PRKG1: variants seen among roughly 807,000 people sequenced by gnomAD.
The protein encoded by PRKG1 is cGMP-dependent protein kinase 1.
A neutral mutation model predicts 88.1 loss-of-function variants in PRKG1; 35 were observed. That is an observed-to-expected ratio of 0.40 (90% confidence interval 0.30 to 0.53). The LOEUF is 0.53. Ranked by LOEUF, PRKG1 falls within the 20% of genes least tolerant of loss-of-function variation. The pLI, the probability that PRKG1 is intolerant of heterozygous loss-of-function variation, is 0.59. For missense variants in PRKG1, 540 were observed against 839.8 expected (o/e 0.64, Z 4.41); for synonymous variants, 303 against 292.5 (o/e 1.04, Z -0.37).
At chr10:51,466,064 A>G (rs1443033978) in intron 2 of PRKG1, among the ~76,000 whole-genome samples, 1 of 152,150 alleles carries the variant, frequency 6.6e-6, no homozygotes, top group Non-Finnish European at 1.5e-5. Flanking sequence ...AACCAGAACT[A>G]AACTTTTGGT....
intron 4 of PRKG1, among the ~76,000 whole-genome samples, chr10:51,905,187 T>C (rs183909562): frequency 1.3e-5 from 2 of 152,286 alleles, no homozygotes; most frequent in Admixed American, 1.3e-4. Flanking sequence ...TTATGTGATA[T>C]GGTCCATCCA....
intron 5 of PRKG1, among the ~76,000 whole-genome samples, chr10:51,913,226 C>A (rs1047657717): frequency 6.6e-6 from 1 of 152,044 alleles, no homozygotes; most frequent in South Asian, 2.1e-4. Flanking sequence ...ACGGCGCCCA[C>A]CCAATTTCTA....
intron 3 of PRKG1, among the ~76,000 whole-genome samples, chr10:51,771,541 C>A (rs1319914140): frequency 6.6e-6 from 1 of 152,066 alleles, no homozygotes; most frequent in African/African-American, 2.4e-5. Context: ...TTGTTTTTCC[C>A]TTTTGAGTGT....
At chr10:51,298,297 G>A (rs1915681) in intron 2 of PRKG1, among the ~76,000 whole-genome samples, 35,825 of 152,008 alleles carry the variant, frequency 0.24, 4,318 homozygotes, top group Admixed American at 0.36. Flanking sequence ...TATTTTATAG[G>A]CAAAGAAAAG....
chr10:51,131,898 T>C (rs1057503205), intron 1 of PRKG1, among the ~76,000 whole-genome samples: 1 of 152,150 alleles, frequency 6.6e-6, no homozygotes, highest in Non-Finnish European at 1.5e-5. Context: ...TGGACAGCTC[T>C]GGCAGAATTT....
intron 9 of PRKG1, among the ~76,000 whole-genome samples, chr10:52,193,364 G>C (rs969134458): frequency 2.9e-4 from 43 of 150,590 alleles, no homozygotes; most frequent in African/African-American, 1.1e-3. Context: ...GGCCAAACAT[G>C]GTGAAACTCC....
intron 3 of PRKG1, among the ~76,000 whole-genome samples, chr10:51,558,033 AAAT>A (rs1837357031): frequency 6.6e-6 from 1 of 152,090 alleles, no homozygotes; most frequent in South Asian, 2.1e-4. Flanking sequence ...TTTGTACTGA[AAAT>A]AATATGTTTT....
At chr10:51,829,286 A>G (rs1311796355) in intron 4 of PRKG1, among the ~76,000 whole-genome samples, 1 of 152,134 alleles carries the variant, frequency 6.6e-6, no homozygotes, top group Admixed American at 6.5e-5. Flanking sequence ...ACATTTTGTC[A>G]CTTCTGTATT....
intron 10 of PRKG1, among the ~76,000 whole-genome samples, chr10:52,259,459 T>C (rs540104279): frequency 3.4e-4 from 52 of 152,236 alleles, no homozygotes; most frequent in African/African-American, 1.2e-3. Context: ...TTTATCTTGC[T>C]TTCTGGAAAA....
intron 1 of PRKG1, among the ~76,000 whole-genome samples, chr10:51,025,343 C>A (rs1804162758): frequency 6.6e-6 from 1 of 152,168 alleles, no homozygotes; most frequent in Non-Finnish European, 1.5e-5. Context: ...TTCCTGTACT[C>A]AATCACTGCT....
intron 1 of PRKG1, among the ~76,000 whole-genome samples, chr10:51,029,580 C>T (rs1424923538): frequency 6.6e-6 from 1 of 152,124 alleles, no homozygotes; most frequent in Non-Finnish European, 1.5e-5. Flanking sequence ...ATTGATTCAG[C>T]TCTGGGGGAA....
At chr10:51,699,591 C>A (rs1183024455) in intron 3 of PRKG1, 2 of 1,567,356 alleles carry the variant, frequency 1.3e-6, no homozygotes, top group East Asian at 2.2e-5. Context: ...TTCTTCGAGG[C>A]GTCTGTCCTC....
intron 2 of PRKG1, among the ~76,000 whole-genome samples, chr10:51,405,160 T>G (rs1837874397): frequency 6.6e-6 from 1 of 152,180 alleles, no homozygotes; most frequent in African/African-American, 2.4e-5. Flanking sequence ...CATCCATCAT[T>G]CTAAATAGTG....
At chr10:52,096,672 C>T (rs1381144497) in intron 7 of PRKG1, among the ~76,000 whole-genome samples, 1 of 152,044 alleles carries the variant, frequency 6.6e-6, no homozygotes, top group Non-Finnish European at 1.5e-5. Context: ...ATCCTTGGCT[C>T]TATAGGGATG....
In PRKG1 at chr10:52,166,839, G is replaced by GTGTATATATATGTATATATATGTATA. The variant is rs1554812323; in HGVS notation, c.1076+4877_1076+4878insGTATATATATGTATATATATGTATAT. Among the ~76,000 whole-genome samples the GTGTATATATATGTATATATATGTATA allele has an allele frequency of 3.9e-3, 356 of 90,474 alleles. 10 individuals carry two copies. The highest frequency in any genetic ancestry group is 6.0e-3 in the Non-Finnish European group (293 of 49,106). 59.4% of individuals were successfully genotyped at this position (90,474 alleles called of 152,430 possible). ...TATATGTATATATATGTATATATATGTATATATATGTCTATATATATATCT... is the reference window on the plus strand; with the variant it reads ...TATATGTATATATATGTATATATATGTGTATATATATGTATATATATGTATATATATATATGTCTATATATATATCT... On this transcript the variant is annotated intron_variant, in intron 9 of 17. Transcript: ENST00000373980.
intron 5 of PRKG1, 128 bp downstream of exon 5, chr10:51,907,698 AG>A (rs1842116850): frequency 1.3e-6 from 1 of 740,944 alleles, no homozygotes; most frequent in African/African-American, 1.8e-5. Context: ...CTCTGGGATG[AG>A]CTATATATTT....
chr10:51,260,928 T>C (rs1311877112), intron 2 of PRKG1, among the ~76,000 whole-genome samples: 1 of 152,204 alleles, frequency 6.6e-6, no homozygotes, highest in Non-Finnish European at 1.5e-5. Flanking sequence ...CTGTTTCTTA[T>C]TTGATAAGAA....
intron 5 of PRKG1, among the ~76,000 whole-genome samples, chr10:51,943,488 A>G (rs1221561696): frequency 6.6e-6 from 1 of 152,002 alleles, no homozygotes. Flanking sequence ...TTCCAACACT[A>G]TGTTGAATGG....
chr10:52,050,247 C>G (rs1845958858), intron 5 of PRKG1, among the ~76,000 whole-genome samples: 1 of 151,900 alleles, frequency 6.6e-6, no homozygotes, highest in African/African-American at 2.4e-5. Flanking sequence ...AAATCGGGAA[C>G]AGTGAGAAGA....
Sources: allele counts gnomAD v4.1 joint callset (sites outside exome capture counted in the v4.1 genomes callset), GRCh38; gene constraint gnomAD v4.1.1; transcripts MANE v1.5; gene names NCBI Gene and HGNC (gene_info 2026-07-23, HGNC 2026-07-21).